The following KCNH7 variants were observed in gnomAD, a reference collection of about 807,000 sequenced individuals.
The protein encoded by KCNH7 is potassium voltage-gated channel subfamily H member 7, also known as voltage-gated inwardly rectifying potassium channel KCNH7.
KCNH7 carries 49 observed loss-of-function variants against 120.8 expected under a neutral mutation model. The observed-to-expected ratio is 0.41, with a 90% CI of 0.32 to 0.51. KCNH7 has a LOEUF of 0.51. KCNH7 is among the 20% of genes least tolerant of loss of function. KCNH7 has a pLI of 0.38. For missense variants in KCNH7, 1,097 were observed against 1,446.6 expected (o/e 0.76, Z 3.92); for synonymous variants, 547 against 516.1 (o/e 1.06, Z -0.81).
chr2:162,797,935 T>C (rs1684201793), intron 2 of KCNH7: 1 of 152,116 alleles, frequency 6.6e-6, no homozygotes, highest in Non-Finnish European at 1.5e-5. Context: ...ATGCTTATAG[T>C]GGCCCATTTC....
At chr2:162,628,078 C>A (rs1683622017) in intron 2 of KCNH7, among the ~76,000 whole-genome samples, 1 of 152,096 alleles carries the variant, frequency 6.6e-6, no homozygotes, top group Non-Finnish European at 1.5e-5. Flanking sequence ...TAGATAGAAT[C>A]TTTTCATGAG....
chr2:162,737,989 G>A lies in KCNH7; in HGVS notation c.307+98548C>T, dbSNP rs181701051. ...CTGAGGCAGGAGAATCACTTGAAAC[G>A]GGAGGCAGAGGTTGCAGTGAGCTGA... On this transcript the variant is annotated intron_variant, in intron 2 of 15. Coordinates refer to ENST00000332142, the MANE Select transcript of KCNH7 (RefSeq NM_033272.4). Among the ~76,000 whole-genome samples, 180 of 150,382 alleles carry A rather than the reference G, an allele frequency of 1.2e-3. 1 individual carries two copies. The highest frequency in any genetic ancestry group is 4.2e-3 in the African/African-American group (171 of 40,678).
intron 2 of KCNH7, among the ~76,000 whole-genome samples, chr2:162,638,263 T>A (rs1327847578): frequency 6.6e-6 from 1 of 152,086 alleles, no homozygotes; most frequent in Non-Finnish European, 1.5e-5. Context: ...TTCTGCCTTA[T>A]ATTGGTGCCC....
At chr2:162,680,439 C>G (rs897798177) in intron 2 of KCNH7, among the ~76,000 whole-genome samples, 1 of 151,662 alleles carries the variant, frequency 6.6e-6, no homozygotes, top group African/African-American at 2.4e-5. Flanking sequence ...AAACTCAAGT[C>G]TTTTTATGTT....
At chr2:162,834,964 TAATA>T (rs1685606124) in intron 2 of KCNH7, among the ~76,000 whole-genome samples, 1 of 152,084 alleles carries the variant, frequency 6.6e-6, no homozygotes, top group African/African-American at 2.4e-5. Flanking sequence ...GTTGGCATCA[TAATA>T]AATATTCAAT....
At chr2:162,760,187 G>A (rs56270832) in intron 2 of KCNH7, among the ~76,000 whole-genome samples, 2 of 151,876 alleles carry the variant, frequency 1.3e-5, no homozygotes, top group South Asian at 2.1e-4. Flanking sequence ...GAAATCTAAC[G>A]CAGGGGATTC....
chr2:162,613,729 T>A (rs1683048207), intron 2 of KCNH7, among the ~76,000 whole-genome samples: 1 of 151,664 alleles, frequency 6.6e-6, no homozygotes, highest in African/African-American at 2.4e-5. Context: ...GAGACAATCA[T>A]GGATGGTATA....
At chr2:162,530,536 G>A (rs1691884864) in intron 3 of KCNH7, among the ~76,000 whole-genome samples, 1 of 151,838 alleles carries the variant, frequency 6.6e-6, no homozygotes, top group South Asian at 2.1e-4. Context: ...TGGTTAAAGG[G>A]AAATGTCAGT....
rs192037292 is a variant in KCNH7 at position 162,734,416 on chromosome 2, G to A, written c.307+102121C>T. Reference sequence around the variant, plus strand: ...ATGAGAAATTATAGTGATCATAGATGTTAATTTTATGTAATGTCTTCATCT... The same window carrying A: ...ATGAGAAATTATAGTGATCATAGATATTAATTTTATGTAATGTCTTCATCT... On this transcript the variant is annotated intron_variant, in intron 2 of 15. Transcript: ENST00000332142. 4.8e-4 allele frequency among the ~76,000 whole-genome samples: 73 copies of A among 152,190 alleles called. 1 individual carries two copies. Among genetic ancestry groups the A allele is most frequent in the African/African-American group, 1.6e-3 (67 of 41,530 alleles).
At chr2:162,422,291 C>G (rs1174881980) in intron 9 of KCNH7, among the ~76,000 whole-genome samples, 1 of 152,084 alleles carries the variant, frequency 6.6e-6, no homozygotes, top group Non-Finnish European at 1.5e-5. Context: ...ATTTTGAACC[C>G]TTCTTTCTCC....
intron 2 of KCNH7, among the ~76,000 whole-genome samples, chr2:162,628,904 G>A (rs1220967297): frequency 6.6e-6 from 1 of 152,014 alleles, no homozygotes; most frequent in Middle Eastern, 3.2e-3. Flanking sequence ...TATACATTTT[G>A]GACCTCAAGT....
intron 2 of KCNH7, among the ~76,000 whole-genome samples, chr2:162,679,028 T>A (rs189958420): frequency 6.6e-6 from 1 of 151,770 alleles, no homozygotes; most frequent in East Asian, 1.9e-4. Context: ...AAATGTACTT[T>A]AATGCTGAGG....
At chr2:162,390,259 C>T (rs527983305) in intron 12 of KCNH7, among the ~76,000 whole-genome samples, 2 of 150,652 alleles carry the variant, frequency 1.3e-5, no homozygotes, top group South Asian at 2.1e-4. Context: ...TATATACACA[C>T]ACACACACAC....
intron 9 of KCNH7, among the ~76,000 whole-genome samples, chr2:162,411,199 A>G (rs72871642): frequency 6.6e-6 from 1 of 152,230 alleles, no homozygotes; most frequent in Non-Finnish European, 1.5e-5. Context: ...CATGAAACCA[A>G]CCAATATAAG....
intron 2 of KCNH7, among the ~76,000 whole-genome samples, chr2:162,742,299 A>G (rs1688165004): frequency 6.6e-6 from 1 of 152,090 alleles, no homozygotes; most frequent in African/African-American, 2.4e-5. Flanking sequence ...TTGATTTTAT[A>G]TTTGTTAATG....
At chr2:162,660,397 C>T (rs942783856) in intron 2 of KCNH7, among the ~76,000 whole-genome samples, 1 of 151,970 alleles carries the variant, frequency 6.6e-6, no homozygotes, top group East Asian at 1.9e-4. Context: ...TTATTTAATC[C>T]TCAAGTACTT....
chr2:162,531,294 A>G (rs1282221924), intron 3 of KCNH7, among the ~76,000 whole-genome samples: 1 of 151,922 alleles, frequency 6.6e-6, no homozygotes, highest in Non-Finnish European at 1.5e-5. Flanking sequence ...CTCCATTTAC[A>G]TTTCAGTTTT....
intron 2 of KCNH7, among the ~76,000 whole-genome samples, chr2:162,729,136 G>A (rs1436504307): frequency 6.7e-6 from 1 of 148,726 alleles, no homozygotes; most frequent in Non-Finnish European, 1.5e-5. Flanking sequence ...CGATCTATAT[G>A]ATTGTCATTT....
intron 2 of KCNH7, among the ~76,000 whole-genome samples, chr2:162,596,809 G>A (rs1694394952): frequency 6.6e-6 from 1 of 151,862 alleles, no homozygotes; most frequent in African/African-American, 2.4e-5. Context: ...TGTCCATCTG[G>A]TAAGGGGTTA....
Sources: gnomAD v4.1 joint callset for allele counts (sites outside exome capture counted in the v4.1 genomes callset) on GRCh38, gnomAD v4.1.1 for gene constraint, MANE v1.5 for transcripts, NCBI Gene and HGNC (gene_info 2026-07-23, HGNC 2026-07-21) for gene names.